Variants in DHX40 observed in about 807,000 individuals in gnomAD.
The protein encoded by DHX40 is probable ATP-dependent RNA helicase DHX40.
In DHX40, 28 loss-of-function variants were observed where a neutral mutation model predicts 89.6. That is an observed-to-expected ratio of 0.31 (90% CI 0.23 to 0.43). The LOEUF is 0.43. DHX40 is among the 20% of genes least tolerant of loss of function. DHX40 has a pLI of 1.00. For synonymous variants in DHX40, 226 were observed against 283.6 expected (o/e 0.80, Z 2.04); for missense variants, 457 against 844.0 (o/e 0.54, Z 5.68).
intron 11 of DHX40, among the ~76,000 whole-genome samples, chr17:59,587,606 T>C (rs2049017859): frequency 6.6e-6 from 1 of 151,698 alleles, no homozygotes; most frequent in Admixed American, 6.6e-5. Flanking sequence ...TACAGGCGCA[T>C]GCCACCACAC....
intron 2 of DHX40, among the ~76,000 whole-genome samples, chr17:59,569,719 A>C (rs1204135933): frequency 4.8e-5 from 7 of 145,276 alleles, no homozygotes; most frequent in African/African-American, 1.5e-4. Flanking sequence ...ATCTATATAT[A>C]TATATAGATA....
In DHX40 at chr17:59,607,244, C is replaced by G; in HGVS notation, c.*72C>G. 1.2e-6 allele frequency: 2 copies of G among 1,613,914 alleles called. No individual in the cohort carries two copies. The highest frequency in any genetic ancestry group is 1.7e-6 in the Non-Finnish European group (2 of 1,179,964). On this transcript the variant is annotated 3_prime_UTR_variant, in exon 18 of 18. Coordinates refer to ENST00000251241, the MANE Select transcript of DHX40 (RefSeq NM_024612.5). ...TGTGCTTCTACTTTGCCAGTTATTT[C>G]AGACAGCACTACCAAGAGGAGGTGG...
chr17:59,573,474 C>T (rs2048838546), intron 4 of DHX40, among the ~76,000 whole-genome samples: 2 of 152,158 alleles, frequency 1.3e-5, no homozygotes, highest in African/African-American at 2.4e-5. Context: ...GTACTGCAGA[C>T]GTGCATCACC....
At chr17:59,590,005 C>T (rs933747195) in intron 12 of DHX40, among the ~76,000 whole-genome samples, 1 of 151,654 alleles carries the variant, frequency 6.6e-6, no homozygotes, top group East Asian at 1.9e-4. Context: ...GCCACCACGC[C>T]CAGCCCGGCG....
chr17:59,572,225 TCAA>T, intron 3 of DHX40, among the ~76,000 whole-genome samples: 1 of 152,332 alleles, frequency 6.6e-6, no homozygotes, highest in East Asian at 1.9e-4. Flanking sequence ...GGAATGGCCA[TCAA>T]ATGTGGCACA....
In DHX40 at chr17:59,567,941, A is replaced by G. The variant is rs576420890; in HGVS notation, c.280+1147A>G. ...AGTGAGACTCCGTCTCCAAAAAAAA[A>G]AAAATTTTTTAGGCCGGGCGCAGTG... On this transcript the variant is annotated intron_variant, in intron 2 of 17. Transcript: ENST00000251241. Among the ~76,000 whole-genome samples, 308 of 146,876 alleles carry G rather than the reference A, an allele frequency of 2.1e-3. 2 individuals are homozygous for G. Among genetic ancestry groups the G allele is most frequent in the Middle Eastern group, 7.9e-3 (2 of 254 alleles).
intron 11 of DHX40, 148 bp downstream of exon 11, chr17:59,586,381 A>G: frequency 1.2e-6 from 1 of 821,612 alleles, no homozygotes. Context: ...TTGAAAAACC[A>G]GCCGGGCGCT....
chr17:59,607,508 T>C lies in DHX40; in HGVS notation c.*336T>C. ...TGTTTTCAAAGAACATTGAGTTGTA[T>C]TTAATCAGCGTGTACTCCATTTGCA... On this transcript the variant is annotated 3_prime_UTR_variant, in exon 18 of 18. Transcript: ENST00000251241. The C allele has an allele frequency of 1.8e-6, 1 of 569,278 alleles. No individual in the cohort carries two copies. The highest frequency in any genetic ancestry group is 3.1e-6 in the Non-Finnish European group (1 of 320,110). The allele number at this position is 569,278 out of a possible 1,614,324, so 35.3% of individuals were successfully genotyped here.
intron 6 of DHX40, among the ~76,000 whole-genome samples, chr17:59,574,847 A>G (rs1399624272): frequency 6.6e-6 from 1 of 152,094 alleles, no homozygotes; most frequent in Non-Finnish European, 1.5e-5. Context: ...GAGATCAAAA[A>G]TAAAATAGTT....
At chr17:59,594,070 C>A (rs1427755664) in intron 12 of DHX40, among the ~76,000 whole-genome samples, 7 of 152,270 alleles carry the variant, frequency 4.6e-5, no homozygotes, top group South Asian at 2.1e-4. Context: ...GCCAAGGAGT[C>A]GAGGCTCAGA....
At position 59,566,628 on chromosome 17, in the gene DHX40, A is replaced by G; in HGVS notation, c.114A>G (p.Glu38=). The G allele has an allele frequency of 6.3e-7, 1 of 1,579,576 alleles. No individual in the cohort carries two copies. The highest frequency in any genetic ancestry group is 1.2e-5 in the South Asian group (1 of 84,154). Residue 38 remains glutamate, a splice_region_variant and synonymous_variant, in exon 2 of 18, where the codon GAA becomes GAG. Coordinates refer to ENST00000251241, the MANE Select transcript of DHX40 (RefSeq NM_024612.5). ...TGACTTGTTTTTCTGTTATTACAGA[A>G]GAGAAAGGATGCACGTCCCAGGAGG... ...RLSAVCIADR[E]EKGCTSQEGG... is the part of the protein sequence containing the mutation.
intron 12 of DHX40, among the ~76,000 whole-genome samples, chr17:59,591,340 A>G (rs1239023622): frequency 6.6e-6 from 1 of 150,508 alleles, no homozygotes; most frequent in Non-Finnish European, 1.5e-5. Context: ...TAAACAAGCT[A>G]AAATATTTCA....
rs1274168584 is a variant in DHX40 at position 59,573,796 on chromosome 17, G to A, written c.603G>A (p.Lys201=). The A allele has an allele frequency of 6.2e-6, 10 of 1,613,760 alleles. No individual in the cohort carries two copies. The South Asian group carries it at 1.1e-4, about 18-fold the overall frequency. The change falls in exon 5 of 18, where the codon AAG becomes AAA. Residue 201 remains lysine, a synonymous_variant. Transcript: ENST00000251241. ...KLFQEKSPNR[K]EHLKVVVMSA... Reference sequence around the variant, plus strand: ...TTCAGGAGAAGTCTCCTAATAGGAAGGAGCATTTAAAAGTGGTGGTAATGT... The same window carrying A: ...TTCAGGAGAAGTCTCCTAATAGGAAAGAGCATTTAAAAGTGGTGGTAATGT...
intron 8 of DHX40, among the ~76,000 whole-genome samples, chr17:59,578,962 T>C (rs1337608673): frequency 1.5e-5 from 2 of 137,720 alleles, no homozygotes; most frequent in Non-Finnish European, 3.1e-5. Flanking sequence ...TTTTTGTGGC[T>C]GAATAATATT....
At chr17:59,570,162 A>AAT (rs1350259277) in intron 2 of DHX40, among the ~76,000 whole-genome samples, 1 of 127,176 alleles carries the variant, frequency 7.9e-6, no homozygotes, top group African/African-American at 3.1e-5. Flanking sequence ...TAATACATAT[A>AAT]ATATGTTATA....
At chr17:59,570,769 T>G in intron 3 of DHX40, 106 bp downstream of exon 3, 3 of 1,213,582 alleles carry the variant, frequency 2.5e-6, no homozygotes, top group South Asian at 1.7e-5. Flanking sequence ...CTGTAGCCTC[T>G]ACCTTCTGGG....
intron 10 of DHX40, among the ~76,000 whole-genome samples, chr17:59,585,763 T>C (rs182113761): frequency 0.011 from 1,457 of 137,726 alleles, 51 homozygotes; most frequent in African/African-American, 0.042. Context: ...CAATTTATAA[T>C]TTTCAGTACT....
chr17:59,582,359 G>T (rs2048956101), intron 10 of DHX40, among the ~76,000 whole-genome samples: 1 of 124,118 alleles, frequency 8.1e-6, no homozygotes. Flanking sequence ...CAGTGTTTGG[G>T]GTAGATGGTA....
intron 2 of DHX40, 89 bp downstream of exon 2, chr17:59,566,883 C>T: frequency 8.3e-7 from 1 of 1,201,648 alleles, no homozygotes; most frequent in Non-Finnish European, 1.1e-6. Flanking sequence ...CATGATTGCC[C>T]AGTATTTGCT....
Sources: allele counts gnomAD v4.1 joint callset (sites outside exome capture counted in the v4.1 genomes callset), GRCh38; gene constraint gnomAD v4.1.1; transcripts MANE v1.5; gene names NCBI Gene and HGNC (gene_info 2026-07-23, HGNC 2026-07-21).